CTNNA2: variants seen among roughly 807,000 people sequenced by gnomAD.
CTNNA2 encodes the protein catenin alpha 2.
CTNNA2 carries 42 observed loss-of-function variants against 101.0 expected under a neutral mutation model. The observed-to-expected ratio is 0.42, with a 90% confidence interval of 0.32 to 0.54. CTNNA2 has a LOEUF of 0.54. CTNNA2 is among the 20% of genes least tolerant of loss of function. CTNNA2 has a pLI of 0.14. For synonymous variants in CTNNA2, 450 were observed against 456.4 expected (o/e 0.99, Z 0.18); for missense variants, 871 against 1,223.1 (o/e 0.71, Z 4.29).
At chr2:80,523,466 G>A (rs965044229) in intron 9 of CTNNA2, among the ~76,000 whole-genome samples, 3 of 152,200 alleles carry the variant, frequency 2.0e-5, no homozygotes, top group Admixed American at 6.5e-5. Context: ...TTAGGCCTGC[G>A]TGAAGAGAAA....
chr2:80,466,423 TG>T (rs1684856971), intron 9 of CTNNA2, among the ~76,000 whole-genome samples: 1 of 152,236 alleles, frequency 6.6e-6, no homozygotes, highest in Non-Finnish European at 1.5e-5. Context: ...ATGTGCATTA[TG>T]TATGTGTTTC....
chr2:80,610,416 T>A (rs937479565), intron 17 of CTNNA2, among the ~76,000 whole-genome samples: 1 of 151,760 alleles, frequency 6.6e-6, no homozygotes, highest in Non-Finnish European at 1.5e-5. Flanking sequence ...TACACCCATT[T>A]ATTCTGTCAT....
chr2:80,409,430 C>T (rs1444822167), intron 8 of CTNNA2, among the ~76,000 whole-genome samples: 2 of 152,126 alleles, frequency 1.3e-5, no homozygotes, highest in African/African-American at 4.8e-5. Context: ...ATTTATGAGG[C>T]CAGTCAACCA....
chr2:80,068,360 G>A (rs758811632), intron 7 of CTNNA2, among the ~76,000 whole-genome samples: 3 of 152,208 alleles, frequency 2.0e-5, no homozygotes, highest in Admixed American at 6.5e-5. Flanking sequence ...TGCTTCTCCT[G>A]TTTATCATCT....
At chr2:79,344,855 TATAA>T (rs1249410361) in intron 3 of CTNNA2, among the ~76,000 whole-genome samples, 77 of 145,008 alleles carry the variant, frequency 5.3e-4, no homozygotes, top group Admixed American at 1.4e-3. Flanking sequence ...ATATTATATA[TATAA>T]TATATTATAT....
intron 4 of CTNNA2, among the ~76,000 whole-genome samples, chr2:79,864,984 G>C (rs1297780647): frequency 6.6e-6 from 1 of 151,376 alleles, no homozygotes; most frequent in Non-Finnish European, 1.5e-5. Flanking sequence ...TTGTATATCA[G>C]AAGAACTCAA....
chr2:79,597,843 A>G (rs1038796179), intron 1 of CTNNA2, among the ~76,000 whole-genome samples: 3 of 152,168 alleles, frequency 2.0e-5, no homozygotes, highest in African/African-American at 4.8e-5. Flanking sequence ...TGTGTATTCT[A>G]TGTATTAGGA....
intron 9 of CTNNA2, among the ~76,000 whole-genome samples, chr2:80,528,878 AG>A (rs1384440232): frequency 6.6e-6 from 1 of 152,168 alleles, no homozygotes; most frequent in African/African-American, 2.4e-5. Flanking sequence ...TCAGTCCCTG[AG>A]GACAGATTAG....
intron 7 of CTNNA2, among the ~76,000 whole-genome samples, chr2:79,913,487 T>G (rs749176398): frequency 2.1e-4 from 32 of 152,196 alleles, no homozygotes; most frequent in Non-Finnish European, 3.2e-4. Context: ...ACTTTCATTC[T>G]AATGGAATGA....
intron 7 of CTNNA2, among the ~76,000 whole-genome samples, chr2:80,164,868 C>T (rs1373425359): frequency 6.6e-6 from 1 of 151,106 alleles, no homozygotes; most frequent in Non-Finnish European, 1.5e-5. Context: ...AATATTGTGC[C>T]ACTTCCTTCT....
intron 3 of CTNNA2, among the ~76,000 whole-genome samples, chr2:79,346,122 G>A (rs1195303617): frequency 6.6e-6 from 1 of 152,132 alleles, no homozygotes; most frequent in South Asian, 2.1e-4. Context: ...GAAATAAAGT[G>A]ACAGTAGACT....
intron 7 of CTNNA2, among the ~76,000 whole-genome samples, chr2:80,345,402 G>A (rs531025971): frequency 2.0e-5 from 3 of 152,066 alleles, no homozygotes. Flanking sequence ...TTGCTCAAGT[G>A]GCACCTCCTC....
At chr2:80,434,535 G>T (rs1368318625) in intron 9 of CTNNA2, among the ~76,000 whole-genome samples, 1 of 134,350 alleles carries the variant, frequency 7.4e-6, no homozygotes, top group Non-Finnish European at 1.5e-5. Context: ...CTGTCACTCA[G>T]GCTAACATAC....
At chr2:80,513,313 G>T (rs1184844164) in intron 9 of CTNNA2, among the ~76,000 whole-genome samples, 1 of 152,184 alleles carries the variant, frequency 6.6e-6, no homozygotes, top group Non-Finnish European at 1.5e-5. Context: ...AAAGTCTAAA[G>T]ATACAGCCCC....
intron 1 of CTNNA2, among the ~76,000 whole-genome samples, chr2:79,614,726 A>T (rs11675845): frequency 0.024 from 3,708 of 152,224 alleles, 71 homozygotes; most frequent in Non-Finnish European, 0.037. Flanking sequence ...CATATGCAAA[A>T]TGTTTTTATA....
intron 7 of CTNNA2, among the ~76,000 whole-genome samples, chr2:80,244,127 A>C (rs1671148454): frequency 6.6e-6 from 1 of 152,244 alleles, no homozygotes; most frequent in Admixed American, 6.5e-5. Context: ...ACAAATAACT[A>C]AAGAAGAACT....
At position 79,303,673 on chromosome 2, in the gene CTNNA2, G is replaced by A. The variant is rs572076439; in HGVS notation, c.-405-9036G>A. Among the ~76,000 whole-genome samples, 48 of 152,072 alleles carry A rather than the reference G, an allele frequency of 3.2e-4. 1 individual carries two copies. In the South Asian group the frequency reaches 9.8e-3, roughly 31 times the overall value. ...AGAGCCCTGATGAGGAAAGGGTTAG[G>A]TTCAGCCGTGTTGATGAGGCAAGGC... On this transcript the variant is annotated intron_variant, in intron 2 of 21. Coordinates refer to the CTNNA2 transcript ENST00000466387.
At chr2:80,116,655 A>T (rs760122725) in intron 7 of CTNNA2, among the ~76,000 whole-genome samples, 4 of 151,442 alleles carry the variant, frequency 2.6e-5, no homozygotes, top group Non-Finnish European at 4.4e-5. Context: ...CTTGGGTGAC[A>T]ATGTGTTTAG....
intron 7 of CTNNA2, among the ~76,000 whole-genome samples, chr2:80,183,031 C>G (rs1002065917): frequency 2.6e-5 from 4 of 152,180 alleles, no homozygotes; most frequent in Non-Finnish European, 4.4e-5. Context: ...CATTATCATA[C>G]TGCAAAATGC....
Sources: allele counts gnomAD v4.1 joint callset (sites outside exome capture counted in the v4.1 genomes callset), GRCh38; gene constraint gnomAD v4.1.1; transcripts MANE v1.5; gene names NCBI Gene and HGNC (gene_info 2026-07-23, HGNC 2026-07-21).